The following CSMD1 variants were observed in gnomAD, a reference collection of about 807,000 sequenced individuals.
The protein encoded by CSMD1 is CUB and Sushi multiple domains 1, also known as CUB and sushi domain-containing protein 1.
CSMD1 carries 213 observed loss-of-function variants against 417.5 expected under a neutral mutation model. The ratio of observed to expected loss-of-function variants is 0.51; its 90% CI spans 0.46 to 0.57. The LOEUF (loss-of-function observed/expected upper bound fraction) is 0.57, where lower values mean the gene tolerates loss of function less well. Ranked by LOEUF, CSMD1 falls within the 20% of genes least tolerant of loss-of-function variation. The probability of loss-of-function intolerance (pLI) is 0.00; values close to 1 mark genes in which losing one functional copy is unlikely to be tolerated. For synonymous variants in CSMD1, 2,862 were observed against 1,736.8 expected, an observed-to-expected ratio of 1.65 and a Z score of -16.11; for missense variants, 6,923 against 4,529.7, an observed-to-expected ratio of 1.53 and a Z score of -15.17.
intron 3 of CSMD1, among the ~76,000 whole-genome samples, chr8:4,306,134 G>T (rs571182280): frequency 2.6e-5 from 4 of 152,196 alleles, no homozygotes; most frequent in African/African-American, 9.6e-5. Context: ...TGAATAGTCT[G>T]TGTAGATTTT....
intron 2 of CSMD1, among the ~76,000 whole-genome samples, chr8:4,623,745 ATATATATTT>A (rs1801920719): frequency 4.6e-5 from 7 of 152,054 alleles, no homozygotes; most frequent in African/African-American, 1.5e-4. Flanking sequence ...GTGTGTGTAT[ATATATATTT>A]CATATAATTT....
chr8:4,732,670 G>T (rs1240431270), intron 1 of CSMD1, among the ~76,000 whole-genome samples: 1 of 152,022 alleles, frequency 6.6e-6, no homozygotes, highest in Non-Finnish European at 1.5e-5. Context: ...CCACACATCT[G>T]CCCCAGCTGT....
At chr8:4,929,496 A>G (rs1012579451) in intron 1 of CSMD1, among the ~76,000 whole-genome samples, 2 of 152,184 alleles carry the variant, frequency 1.3e-5, no homozygotes, top group Non-Finnish European at 2.9e-5. Context: ...GATGCTGGAT[A>G]TTTCAGGGAA....
chr8:3,999,628 G>C (rs543034510), intron 4 of CSMD1, among the ~76,000 whole-genome samples: 53 of 152,280 alleles, frequency 3.5e-4, no homozygotes, highest in East Asian at 1.9e-3. Flanking sequence ...CCGGAGTTTG[G>C]AGTATTGCAT....
At chr8:2,970,567 C>T (rs1342513132) in intron 57 of CSMD1, among the ~76,000 whole-genome samples, 4 of 152,130 alleles carry the variant, frequency 2.6e-5, no homozygotes, top group Admixed American at 2.6e-4. Flanking sequence ...GACATCCAGC[C>T]CTCTTTGTAA....
intron 1 of CSMD1, among the ~76,000 whole-genome samples, chr8:4,943,176 C>A (rs925858369): frequency 6.6e-6 from 1 of 152,076 alleles, no homozygotes; most frequent in Non-Finnish European, 1.5e-5. Flanking sequence ...TTATGTATAC[C>A]GTTTTCAAAG....
intron 1 of CSMD1, among the ~76,000 whole-genome samples, chr8:4,969,112 T>G (rs946161369): frequency 6.6e-6 from 1 of 152,130 alleles, no homozygotes; most frequent in Non-Finnish European, 1.5e-5. Context: ...CTTTTATAAT[T>G]TGCAGGACGA....
chr8:4,198,300 G>A (rs370542259), intron 3 of CSMD1, among the ~76,000 whole-genome samples: 2 of 152,240 alleles, frequency 1.3e-5, no homozygotes, highest in African/African-American at 4.8e-5. Flanking sequence ...AGAAGTGGCA[G>A]CAGGGGCTGG....
At position 4,350,958 on chromosome 8, in the gene CSMD1, T is replaced by C. The variant is rs566029828; in HGVS notation, c.415+68995A>G. On this transcript the variant is annotated intron_variant, in intron 3 of 69. Transcript: ENST00000635120. ...ACACATACTTGCTTTCTGCAAGTCA[T>C]CGTTTAAAGCTTCTTTTAATAATTT... Among the ~76,000 whole-genome samples the C allele has an allele frequency of 2.6e-5, 4 of 152,262 alleles. No individual in the cohort carries two copies. In the South Asian group the frequency reaches 8.3e-4, roughly 32 times the overall value.
chr8:3,087,006 T>A lies in CSMD1; in HGVS notation c.7474+91A>T. 5.2e-6 allele frequency: 6 copies of A among 1,162,364 alleles called. No individual in the cohort carries two copies. In the South Asian group the frequency reaches 8.4e-5, roughly 16 times the overall value. The allele number at this position is 1,162,364 out of a possible 1,614,324, so 72.0% of individuals were successfully genotyped here. On this transcript the variant is annotated intron_variant, in intron 49 of 69. Coordinates refer to ENST00000635120, the MANE Select transcript of CSMD1 (RefSeq NM_033225.6). ...CATTCAATTTTTCCTTACCTTTTAT[T>A]CTTAGTTAGTGCTTCATTTATTTTC...
chr8:3,969,716 G>C (rs149481222), intron 5 of CSMD1, among the ~76,000 whole-genome samples: 3 of 152,272 alleles, frequency 2.0e-5, no homozygotes, highest in South Asian at 2.1e-4. Context: ...GGATGATTTT[G>C]ACAATAAAAT....
chr8:4,110,458 C>T (rs1452818667), intron 3 of CSMD1, among the ~76,000 whole-genome samples: 1 of 152,074 alleles, frequency 6.6e-6, no homozygotes, highest in Non-Finnish European at 1.5e-5. Flanking sequence ...AAGCCAGATC[C>T]CTCTCATAAA....
At chr8:4,480,196 A>T (rs1208635413) in intron 2 of CSMD1, among the ~76,000 whole-genome samples, 1 of 151,320 alleles carries the variant, frequency 6.6e-6, no homozygotes, top group Non-Finnish European at 1.5e-5. Context: ...ACAAAAAAAA[A>T]AAAACAAAAA....
At chr8:3,816,836 CTAGGGGTT>C (rs1801394434) in intron 5 of CSMD1, among the ~76,000 whole-genome samples, 6 of 151,986 alleles carry the variant, frequency 3.9e-5, no homozygotes, top group Non-Finnish European at 8.8e-5. Context: ...CAGGTGTCTA[CTAGGGGTT>C]TGGAACATAT....
intron 1 of CSMD1, among the ~76,000 whole-genome samples, chr8:4,729,914 G>C (rs1264410780): frequency 6.6e-6 from 1 of 152,136 alleles, no homozygotes; most frequent in Non-Finnish European, 1.5e-5. Context: ...CGGGAGTTTT[G>C]ATTTTCATCC....
chr8:4,401,034 A>T (rs1804612131), intron 3 of CSMD1, among the ~76,000 whole-genome samples: 1 of 152,174 alleles, frequency 6.6e-6, no homozygotes, highest in South Asian at 2.1e-4. Context: ...GAAAGTTAAT[A>T]TACGCTGAGC....
intron 17 of CSMD1, among the ~76,000 whole-genome samples, chr8:3,395,373 T>G (rs12681614): frequency 0.56 from 84,857 of 151,920 alleles, 24,103 homozygotes; most frequent in African/African-American, 0.63. Flanking sequence ...GAATAACAGC[T>G]GCTTTGCTTT....
At chr8:3,195,242 G>A (rs1796639973) in intron 33 of CSMD1, among the ~76,000 whole-genome samples, 1 of 152,114 alleles carries the variant, frequency 6.6e-6, no homozygotes, top group Non-Finnish European at 1.5e-5. Context: ...CACATCAGAG[G>A]GATGCGGGAG....
At chr8:4,187,092 C>A (rs549829716) in intron 3 of CSMD1, among the ~76,000 whole-genome samples, 1 of 152,124 alleles carries the variant, frequency 6.6e-6, no homozygotes, top group East Asian at 1.9e-4. Context: ...TCTCTAAGGT[C>A]CCTTAAAATT....
Sources: allele counts gnomAD v4.1 joint callset (sites outside exome capture counted in the v4.1 genomes callset), GRCh38; gene constraint gnomAD v4.1.1; transcripts MANE v1.5; gene names NCBI Gene and HGNC (gene_info 2026-07-23, HGNC 2026-07-21).